KCNK10: variants seen among roughly 807,000 people sequenced by gnomAD.
KCNK10 encodes potassium channel subfamily K member 10.
KCNK10 carries 25 observed loss-of-function variants against 47.7 expected under a neutral mutation model. The observed-to-expected ratio is 0.52, with a 90% CI of 0.38 to 0.73. The LOEUF (loss-of-function observed/expected upper bound fraction) is 0.73, where lower values mean the gene tolerates loss of function less well. KCNK10 is among the 30% of genes least tolerant of loss of function. The probability of loss-of-function intolerance (pLI) is 0.00; values close to 1 mark genes in which losing one functional copy is unlikely to be tolerated. For missense variants in KCNK10, 563 were observed against 714.5 expected, an observed-to-expected ratio of 0.79 and a Z score of 2.42; for synonymous variants, 303 against 285.6, an observed-to-expected ratio of 1.06 and a Z score of -0.61.
intron 5 of KCNK10, among the ~76,000 whole-genome samples, chr14:88,190,289 TA>T (rs1258892138): frequency 6.6e-6 from 1 of 152,254 alleles, no homozygotes; most frequent in Non-Finnish European, 1.5e-5. Flanking sequence ...CAGAGAGCTC[TA>T]AATCACCACC....
At position 88,192,345 on chromosome 14, in the gene KCNK10, G is replaced by A. The variant is rs754489129; in HGVS notation, c.747C>T (p.Cys249=). 1 of 1,614,148 alleles carries A rather than the reference G, an allele frequency of 6.2e-7. No individual in the cohort carries two copies. Among genetic ancestry groups the A allele is most frequent in the Non-Finnish European group, 8.5e-7 (1 of 1,180,018 alleles). ...CAGCAGGGATCGTCACAAACACAATGCAGCCGGCCAAGATGAACAGGATGG... is the reference window on the plus strand; with the variant it reads ...CAGCAGGGATCGTCACAAACACAATACAGCCGGCCAAGATGAACAGGATGG... ...ISTILFILAG[C]IVFVTIPAVI... The change falls in exon 5 of 7, where the codon TGC becomes TGT. Residue 249 remains cysteine (C), a synonymous_variant. Coordinates refer to ENST00000319231, the MANE Select transcript of KCNK10 (RefSeq NM_138317.3).
At chr14:88,264,978 G>A (rs549419155) in intron 1 of KCNK10, among the ~76,000 whole-genome samples, 152 of 152,082 alleles carry the variant, frequency 1.0e-3, no homozygotes, top group Non-Finnish European at 1.8e-3. Context: ...TCATCCCTTG[G>A]GCCTTTCCCT....
intron 1 of KCNK10, among the ~76,000 whole-genome samples, chr14:88,304,121 G>C (rs1406947677): frequency 6.6e-6 from 1 of 152,096 alleles, no homozygotes; most frequent in African/African-American, 2.4e-5. Context: ...TTGGAGACCA[G>C]CCTGGGCAAC....
At chr14:88,276,063 C>A (rs1218487485) in intron 1 of KCNK10, among the ~76,000 whole-genome samples, 3 of 152,100 alleles carry the variant, frequency 2.0e-5, no homozygotes, top group African/African-American at 7.3e-5. Context: ...TGGCCACACC[C>A]TAAACCTTGT....
At position 88,274,351 on chromosome 14, in the gene KCNK10, G is replaced by A. The variant is rs530371196; in HGVS notation, c.53-10800C>T. On this transcript the variant is annotated intron_variant, in intron 1 of 6. Transcript: ENST00000319231. ...AAAATATTTTTTGGCCTATTAGAAA[G>A]ATCCTTTCCAAACCAGCCTGGCCAA... Among the ~76,000 whole-genome samples the A allele has an allele frequency of 1.2e-4, 18 of 151,770 alleles. No individual in the cohort carries two copies. The East Asian group carries it at 3.5e-3, about 29-fold the overall frequency.
chr14:88,284,007 A>G (rs944452260), intron 1 of KCNK10, among the ~76,000 whole-genome samples: 2 of 152,170 alleles, frequency 1.3e-5, no homozygotes, highest in Admixed American at 6.5e-5. Context: ...TAAGTATTGC[A>G]TTATACTATG....
In KCNK10 at chr14:88,207,220, C is replaced by T. The variant is rs112645339; in HGVS notation, c.682-14810G>A. Among the ~76,000 whole-genome samples, 6 of 146,728 alleles carry T rather than the reference C, an allele frequency of 4.1e-5. No homozygotes were observed. In the East Asian group the frequency reaches 1.0e-3, roughly 25 times the overall value. On this transcript the variant is annotated intron_variant, in intron 4 of 6. Transcript: ENST00000319231. ...CAGATTCTCACTTTGTCGCCCAGGC[C>T]GGAGTGCAGTGGTGCAATTTCGGCT...
chr14:88,254,234 C>A (rs1318057950), intron 2 of KCNK10, among the ~76,000 whole-genome samples: 2 of 152,174 alleles, frequency 1.3e-5, no homozygotes, highest in African/African-American at 2.4e-5. Flanking sequence ...AGATAACCTG[C>A]TCACTCTGAG....
intron 1 of KCNK10, among the ~76,000 whole-genome samples, chr14:88,269,603 AT>A (rs1218966309): frequency 6.6e-6 from 1 of 151,822 alleles, no homozygotes; most frequent in African/African-American, 2.4e-5. Flanking sequence ...TGCCCAACTA[AT>A]TTTTTAATAT....
intron 1 of KCNK10, among the ~76,000 whole-genome samples, chr14:88,264,961 C>T (rs1228586797): frequency 6.6e-6 from 1 of 152,154 alleles, no homozygotes; most frequent in South Asian, 2.1e-4. Context: ...TGCCTCATCA[C>T]TGTATTTCAT....
chr14:88,291,755 C>A (rs139781207), intron 1 of KCNK10, among the ~76,000 whole-genome samples: 1 of 152,136 alleles, frequency 6.6e-6, no homozygotes, highest in Admixed American at 6.5e-5. Flanking sequence ...GACATGGGTG[C>A]GCAGTGTTTG....
chr14:88,188,017 T>C lies in KCNK10; in HGVS notation c.961A>G (p.Ser321Gly), dbSNP rs1884629062. Residue 321 changes from serine to glycine, a missense_variant, in exon 6 of 7, where the codon AGT becomes GGT. Coordinates refer to ENST00000319231, the MANE Select transcript of KCNK10 (RefSeq NM_138317.3). Reference sequence around the variant, plus strand: ...ACCCGTAGCCAATCTCCGATCATACTGAGGACAGCTGCAAAGTAGGCAAGG... The same window carrying C: ...ACCCGTAGCCAATCTCCGATCATACCGAGGACAGCTGCAAAGTAGGCAAGG... ...VGLAYFAAVL[S>G]MIGDWLRVLS... 1 of 1,614,174 alleles carries C rather than the reference T, an allele frequency of 6.2e-7. No individual in the cohort carries two copies. The highest frequency in any genetic ancestry group is 8.5e-7 in the Non-Finnish European group (1 of 1,180,026).
At chr14:88,234,102 G>A (rs1271596952) in intron 3 of KCNK10, among the ~76,000 whole-genome samples, 3 of 152,122 alleles carry the variant, frequency 2.0e-5, no homozygotes, top group Admixed American at 2.0e-4. Context: ...CTACAGCAAC[G>A]CCCTCTGGTG....
chr14:88,230,952 T>C (rs7153921), intron 3 of KCNK10, among the ~76,000 whole-genome samples: 44,301 of 152,036 alleles, frequency 0.29, 7,098 homozygotes, highest in East Asian at 0.47. Context: ...ATGTTAGCCA[T>C]GGTGATTGCT....
intron 1 of KCNK10, among the ~76,000 whole-genome samples, chr14:88,265,675 A>G (rs570988583): frequency 9.2e-5 from 14 of 152,264 alleles, no homozygotes; most frequent in African/African-American, 3.4e-4. Flanking sequence ...ATCTCACCTT[A>G]AATTGTATTC....
intron 1 of KCNK10, among the ~76,000 whole-genome samples, chr14:88,303,191 T>C (rs1360639634): frequency 1.3e-5 from 2 of 152,184 alleles, no homozygotes; most frequent in African/African-American, 4.8e-5. Context: ...GTCTGGGTCC[T>C]TGAAGGTGTT....
chr14:88,318,711 G>A (rs879832460), intron 1 of KCNK10, among the ~76,000 whole-genome samples: 1 of 152,176 alleles, frequency 6.6e-6, no homozygotes, highest in Non-Finnish European at 1.5e-5. Flanking sequence ...TCAAGATGGG[G>A]AAAGTTGAAG....
chr14:88,189,881 T>C (rs1884692950), intron 5 of KCNK10, among the ~76,000 whole-genome samples: 1 of 152,178 alleles, frequency 6.6e-6, no homozygotes, highest in Admixed American at 6.5e-5. Context: ...ATTCTCCAGA[T>C]TGGTCTGTGT....
intron 1 of KCNK10, among the ~76,000 whole-genome samples, chr14:88,272,484 G>C (rs533228002): frequency 6.6e-6 from 1 of 152,110 alleles, no homozygotes; most frequent in African/African-American, 2.4e-5. Flanking sequence ...ACAGCAATGG[G>C]GGGGCAACAG....
Sources: allele counts gnomAD v4.1 joint callset (sites outside exome capture counted in the v4.1 genomes callset), GRCh38; gene constraint gnomAD v4.1.1; transcripts MANE v1.5; gene names NCBI Gene and HGNC (gene_info 2026-07-23, HGNC 2026-07-21).